Variants in COP1 observed in about 807,000 individuals in gnomAD.
COP1 encodes the protein E3 ubiquitin-protein ligase COP1.
COP1 carries 24 observed loss-of-function variants against 101.3 expected under a neutral mutation model. The observed-to-expected ratio is 0.24, with a 90% CI of 0.17 to 0.33. COP1 has a LOEUF of 0.33. Among genes scored for constraint, COP1 ranks in the 10% least tolerant of loss-of-function variants. The pLI is 1.00. For missense variants in COP1, 663 were observed against 906.2 expected (o/e 0.73, Z 3.45); for synonymous variants, 347 against 341.9 (o/e 1.01, Z -0.17).
chr1:176,034,235 A>C (rs915480976), intron 14 of COP1, among the ~76,000 whole-genome samples: 3 of 152,186 alleles, frequency 2.0e-5, no homozygotes, highest in Admixed American at 1.3e-4. Context: ...CAGCACCTCA[A>C]GCAACAAACA....
In COP1 at chr1:175,967,307, G is replaced by A. The variant is rs116772510; in HGVS notation, c.2133+19636C>T. Among the ~76,000 whole-genome samples, 1,353 of 152,150 alleles carry A rather than the reference G, an allele frequency of 8.9e-3. 21 individuals are homozygous for A. Among genetic ancestry groups the A allele is most frequent in the African/African-American group, 0.03 (1,256 of 41,518 alleles). ...GACTACTGGCGTGAGCCACCGCGCC[G>A]TTGAAAGCTCATCTCTACTAAAAAT... On this transcript the variant is annotated intron_variant, in intron 18 of 19. Coordinates refer to ENST00000367669, the MANE Select transcript of COP1 (RefSeq NM_022457.7).
intron 5 of COP1, among the ~76,000 whole-genome samples, chr1:176,155,201 G>A (rs1288306059): frequency 6.6e-6 from 1 of 152,048 alleles, no homozygotes; most frequent in Non-Finnish European, 1.5e-5. Flanking sequence ...ATCAAAAAAT[G>A]CGTACTATTC....
chr1:176,147,599 A>C (rs1327837316), intron 6 of COP1, among the ~76,000 whole-genome samples: 4 of 152,222 alleles, frequency 2.6e-5, no homozygotes, highest in Non-Finnish European at 5.9e-5. Flanking sequence ...AAAGAAAAAA[A>C]AATTAATCAC....
At position 176,201,205 on chromosome 1, in the gene COP1, A is replaced by T. The variant is rs942370103; in HGVS notation, c.407+5367T>A. Among the ~76,000 whole-genome samples the T allele has an allele frequency of 4.6e-5, 7 of 152,132 alleles. 1 individual carries two copies. The South Asian group carries it at 1.0e-3, about 23-fold the overall frequency. ...AAATTCGAAAACAAAAACCAAAAAA[A>T]CCCCTAAAATCCAAAACACTTCTGG... On this transcript the variant is annotated intron_variant, in intron 1 of 19. Transcript: ENST00000367669.
At chr1:176,013,263 C>T (rs1665007535) in intron 15 of COP1, among the ~76,000 whole-genome samples, 2 of 152,018 alleles carry the variant, frequency 1.3e-5, no homozygotes, top group Admixed American at 1.3e-4. Flanking sequence ...GAGTATGTAA[C>T]TCATCCCAAA....
At chr1:176,096,404 G>C (rs1022080960) in intron 9 of COP1, among the ~76,000 whole-genome samples, 1 of 152,190 alleles carries the variant, frequency 6.6e-6, no homozygotes, top group African/African-American at 2.4e-5. Context: ...CTTACCTCCT[G>C]GTTTGGGTGC....
chr1:175,965,495 T>G (rs1651895858), intron 18 of COP1, among the ~76,000 whole-genome samples: 1 of 152,198 alleles, frequency 6.6e-6, no homozygotes, highest in Non-Finnish European at 1.5e-5. Context: ...TTAAAGCACT[T>G]TCTAGTACAT....
At chr1:176,020,348 C>A (rs920179870) in intron 15 of COP1, among the ~76,000 whole-genome samples, 25 of 147,064 alleles carry the variant, frequency 1.7e-4, no homozygotes, top group African/African-American at 6.0e-4. Flanking sequence ...TACTCACTAA[C>A]AGGGCCCAGC....
At chr1:175,981,559 G>A (rs930330332) in intron 18 of COP1, among the ~76,000 whole-genome samples, 12 of 152,072 alleles carry the variant, frequency 7.9e-5, no homozygotes, top group African/African-American at 2.9e-4. Flanking sequence ...ACTGAAAACT[G>A]TAAAACTACT....
chr1:175,994,757 G>C (rs545468138), intron 15 of COP1, among the ~76,000 whole-genome samples: 49 of 152,250 alleles, frequency 3.2e-4, no homozygotes, highest in Non-Finnish European at 6.8e-4. Flanking sequence ...AGTCCTGAGT[G>C]ACCTACAAAG....
At chr1:176,133,974 G>T in intron 8 of COP1, 1 of 431,706 alleles carries the variant, frequency 2.3e-6, no homozygotes, top group Non-Finnish European at 4.6e-6. Flanking sequence ...GAAGAAAATC[G>T]GCTGAATTAC....
At chr1:176,133,153 CATAT>C (rs540528210) in intron 8 of COP1, among the ~76,000 whole-genome samples, 2 of 138,796 alleles carry the variant, frequency 1.4e-5, no homozygotes, top group African/African-American at 5.2e-5. Flanking sequence ...TATATACGTA[CATAT>C]ATATACGTAT....
At chr1:176,131,685 T>C (rs1278013519) in intron 8 of COP1, among the ~76,000 whole-genome samples, 1 of 151,836 alleles carries the variant, frequency 6.6e-6, no homozygotes, top group Non-Finnish European at 1.5e-5. Flanking sequence ...TACTATTGCT[T>C]AAAGAAAAAT....
At chr1:175,955,535 AG>A (rs1166120240) in intron 18 of COP1, among the ~76,000 whole-genome samples, 1 of 152,164 alleles carries the variant, frequency 6.6e-6, no homozygotes, top group Non-Finnish European at 1.5e-5. Context: ...ATCTGAAAAA[AG>A]AAAACTGTCT....
intron 6 of COP1, among the ~76,000 whole-genome samples, chr1:176,144,001 A>G (rs1244244142): frequency 6.6e-6 from 1 of 152,192 alleles, no homozygotes; most frequent in Non-Finnish European, 1.5e-5. Flanking sequence ...AGAAAACATC[A>G]TACCTAATGG....
intron 5 of COP1, among the ~76,000 whole-genome samples, chr1:176,158,448 T>C (rs1477746045): frequency 1.3e-5 from 2 of 151,880 alleles, no homozygotes; most frequent in Admixed American, 1.3e-4. Context: ...GACAAAAGAA[T>C]AAAGGACACC....
At chr1:175,958,329 T>C (rs535990748) in intron 18 of COP1, among the ~76,000 whole-genome samples, 2 of 152,116 alleles carry the variant, frequency 1.3e-5, no homozygotes, top group South Asian at 2.1e-4. Context: ...ACATAATATA[T>C]AAACCCCTTA....
chr1:176,101,673 A>AT (rs1008560861), intron 9 of COP1, among the ~76,000 whole-genome samples: 1 of 152,052 alleles, frequency 6.6e-6, no homozygotes, highest in African/African-American at 2.4e-5. Flanking sequence ...AGGTCTCGAG[A>AT]TTTTTTAGCT....
intron 5 of COP1, among the ~76,000 whole-genome samples, chr1:176,159,813 A>G (rs1269964474): frequency 6.6e-6 from 1 of 152,160 alleles, no homozygotes; most frequent in African/African-American, 2.4e-5. Flanking sequence ...ATTCTTGCCA[A>G]CTTCATATGG....
Sources: allele counts gnomAD v4.1 joint callset (sites outside exome capture counted in the v4.1 genomes callset), GRCh38; gene constraint gnomAD v4.1.1; transcripts MANE v1.5; gene names NCBI Gene and HGNC (gene_info 2026-07-23, HGNC 2026-07-21).